Variants in SLC30A10 observed in about 807,000 individuals in gnomAD.
The protein encoded by SLC30A10 is calcium/manganese antiporter SLC30A10.
SLC30A10 carries 8 observed loss-of-function variants against 21.7 expected under a neutral mutation model. The ratio of observed to expected loss-of-function variants is 0.37; its 90% confidence interval spans 0.22 to 0.67. The LOEUF (loss-of-function observed/expected upper bound fraction) is 0.67. SLC30A10 is among the 30% of genes least tolerant of loss of function. The probability of loss-of-function intolerance (pLI) is 0.58; values close to 1 mark genes in which losing one functional copy is unlikely to be tolerated. For missense variants in SLC30A10, 521 were observed against 642.5 expected (o/e 0.81, Z 2.04); for synonymous variants, 272 against 279.4 (o/e 0.97, Z 0.26).
intron 1 of SLC30A10, among the ~76,000 whole-genome samples, chr1:219,945,777 A>T (rs1357769058): frequency 6.6e-6 from 1 of 152,246 alleles, no homozygotes; most frequent in African/African-American, 2.4e-5. Flanking sequence ...TGGAAATATG[A>T]TTACAAAACT....
chr1:219,953,568 A>G (rs1660302590), intron 1 of SLC30A10, among the ~76,000 whole-genome samples: 1 of 151,754 alleles, frequency 6.6e-6, no homozygotes, highest in Admixed American at 6.6e-5. Flanking sequence ...GTGCCACTGC[A>G]CTCCAGACTG....
In SLC30A10 at chr1:219,925,452, T is replaced by A. The variant is rs1465369864; in HGVS notation, c.718+1576A>T. 6.0e-5 allele frequency among the ~76,000 whole-genome samples: 9 copies of A among 150,778 alleles called. No homozygotes were observed. In the East Asian group the frequency reaches 1.8e-3, roughly 30 times the overall value. On this transcript the variant is annotated intron_variant, in intron 2 of 3. Transcript: ENST00000366926. ...GGGAGGCTGAGGCACAAGGATCACT[T>A]GAACCTGGTAGGCAGAGGTTGCAGT...
In SLC30A10 at chr1:219,912,813, G is replaced by A. The variant is rs1008360966; in HGVS notation, c.*2636C>T. 2.6e-5 allele frequency among the ~76,000 whole-genome samples: 4 copies of A among 151,668 alleles called. No homozygotes were observed. The highest frequency in any genetic ancestry group is 2.9e-5 in the Non-Finnish European group (2 of 67,980). The stretch of plus-strand genomic sequence containing the variant: ...AGCACCACTGCACTCCAGCCTGGGC[G>A]ACAGAGCAAGACTCCGTCTCAAAGA... On this transcript the variant is annotated 3_prime_UTR_variant, in exon 4 of 4. Coordinates refer to ENST00000366926, the MANE Select transcript of SLC30A10 (RefSeq NM_018713.3).
chr1:219,941,602 T>A (rs1393073032), intron 1 of SLC30A10, among the ~76,000 whole-genome samples: 1 of 127,606 alleles, frequency 7.8e-6, no homozygotes, highest in Non-Finnish European at 1.6e-5. Context: ...CCTCTCTTCT[T>A]CCCTTCCTTC....
rs1659419192 is a variant in SLC30A10, at chr1:219,911,687, T to G, written c.*3762A>C. The stretch of plus-strand genomic sequence containing the variant: ...GCAATTTTTATGAATAGGCTGGTCT[T>G]GCCTTTAAAAATATGTTTTTAAAGA... On this transcript the variant is annotated 3_prime_UTR_variant, in exon 4 of 4. Transcript: ENST00000366926. 6.6e-6 allele frequency among the ~76,000 whole-genome samples: 1 copy of G among 152,220 alleles called. No homozygotes were observed. The highest frequency in any genetic ancestry group is 6.5e-5 in the Admixed American group (1 of 15,276).
At chr1:219,926,227 T>G (rs57276025) in intron 2 of SLC30A10, among the ~76,000 whole-genome samples, 20,013 of 152,194 alleles carry the variant, frequency 0.13, 1,734 homozygotes, top group African/African-American at 0.24. Context: ...ATCTCCTGAA[T>G]TATTAATTTT....
rs1050601722 is a variant in SLC30A10, at chr1:219,927,922, C to A, written c.519G>T (p.Ala173=). Residue 173 remains alanine (A), a synonymous_variant, in exon 1 of 4, where the codon GCG becomes GCT. Transcript: ENST00000366926. ...GGTCCGCCGCGCGCCGCGGGTCCTC[C>A]GCGCCCTGAGGCCCCCCGAAAGCGC... ...VPGAFGGPQG[A]EDPRRAADPT... 33 of 1,538,168 alleles carry A rather than the reference C, an allele frequency of 2.1e-5. No individual in the cohort carries two copies. Among genetic ancestry groups the A allele is most frequent in the Non-Finnish European group, 2.7e-5 (31 of 1,142,216 alleles).
intron 1 of SLC30A10, among the ~76,000 whole-genome samples, chr1:219,947,735 C>A (rs1660209491): frequency 6.6e-6 from 1 of 152,098 alleles, no homozygotes. Context: ...GAGGCCAAGG[C>A]AGGAGAATCA....
intron 1 of SLC30A10, among the ~76,000 whole-genome samples, chr1:219,946,994 C>T (rs1660193924): frequency 6.6e-6 from 1 of 152,102 alleles, no homozygotes; most frequent in African/African-American, 2.4e-5. Flanking sequence ...TAGTTCTCCT[C>T]TTTCCTCTCC....
intron 1 of SLC30A10, among the ~76,000 whole-genome samples, chr1:219,957,818 A>G (rs563028274): frequency 6.8e-5 from 3 of 44,332 alleles, no homozygotes; most frequent in African/African-American, 2.2e-4. Context: ...TTCCATCTTA[A>G]AAAAAAAGCA....
intron 2 of SLC30A10, among the ~76,000 whole-genome samples, chr1:219,922,500 C>G (rs984353924): frequency 2.6e-5 from 4 of 151,812 alleles, no homozygotes; most frequent in Admixed American, 2.6e-4. Flanking sequence ...ACGGGAGACT[C>G]GTGGGAAACT....
intron 2 of SLC30A10, among the ~76,000 whole-genome samples, chr1:219,925,540 G>GA (rs2102532331): frequency 7.2e-6 from 1 of 139,548 alleles, no homozygotes; most frequent in Non-Finnish European, 1.5e-5. Context: ...TCTCAAAGAA[G>GA]AAAAAAAATG....
intron 3 of SLC30A10, among the ~76,000 whole-genome samples, chr1:219,917,992 C>T (rs565964422): frequency 7.9e-5 from 12 of 152,184 alleles, no homozygotes; most frequent in Admixed American, 5.2e-4. Context: ...GGATTACAGG[C>T]GTGAGCCACC....
intron 1 of SLC30A10, among the ~76,000 whole-genome samples, chr1:219,947,830 G>A (rs769480514): frequency 8.6e-5 from 13 of 151,990 alleles, no homozygotes; most frequent in South Asian, 6.2e-4. Context: ...GAGAAACTCC[G>A]TCTCAAAAAT....
chr1:219,942,641 T>C lies in SLC30A10; in HGVS notation n.81-15536A>G, dbSNP rs11118464. Among the ~76,000 whole-genome samples the C allele has an allele frequency of 7.3e-3, 1,116 of 152,356 alleles. 15 individuals carry two copies. Among genetic ancestry groups the C allele is most frequent in the African/African-American group, 0.025 (1,055 of 41,584 alleles). ...AAGTATTTACAAGTTGGTAATGCCC[T>C]CAGGCACCTGACAGAAGCAAATGCA... On this transcript the variant is annotated intron_variant and non_coding_transcript_variant, in intron 1 of 8. Transcript: ENST00000484239.
In SLC30A10 at chr1:219,928,017, C is replaced by T. The variant is rs751553505; in HGVS notation, c.424G>A (p.Ala142Thr). Residue 142 changes from alanine (A) to threonine (T), a missense_variant, in exon 1 of 4, where the codon GCG becomes ACG. Ala to Thr is a moderately conservative substitution (Grantham distance 58). Transcript: ENST00000366926. This position sits in a 1 kb window ranked among gnomAD's most constrained non-coding sequence, Gnocchi z 6.3. ...LIFQDCAAWFACCLRGRSRRL... is the reference protein window; with the variant it reads ...LIFQDCAAWFTCCLRGRSRRL... ...CGACTGCGTCCCCGGAGGCAGCACG[C>T]GAACCAGGCGGCGCAGTCCTGGAAG... 11 of 1,571,006 alleles carry T rather than the reference C, an allele frequency of 7.0e-6. No individual in the cohort carries two copies. Among genetic ancestry groups the T allele is most frequent in the East Asian group, 4.8e-5 (2 of 41,518 alleles).
intron 1 of SLC30A10, among the ~76,000 whole-genome samples, chr1:219,944,112 C>T (rs1212650633): frequency 7.0e-6 from 1 of 143,860 alleles, no homozygotes; most frequent in Non-Finnish European, 1.5e-5. Context: ...AAAAAAAAAC[C>T]TTCAATGGGG....
At chr1:219,920,885 G>C (rs1041652352) in intron 2 of SLC30A10, among the ~76,000 whole-genome samples, 1 of 152,160 alleles carries the variant, frequency 6.6e-6, no homozygotes, top group Non-Finnish European at 1.5e-5. Flanking sequence ...GTAAAATGTT[G>C]TAAATGGCAA....
intron 2 of SLC30A10, among the ~76,000 whole-genome samples, chr1:219,923,436 T>C (rs1337748782): frequency 6.6e-6 from 1 of 152,210 alleles, no homozygotes; most frequent in African/African-American, 2.4e-5. Context: ...AGGAAAGCCA[T>C]CAGTGCTGTT....
Sources: allele counts gnomAD v4.1 joint callset (sites outside exome capture counted in the v4.1 genomes callset), GRCh38; gene constraint gnomAD v4.1.1; non-coding constraint Gnocchi (gnomAD v3.1); transcripts MANE v1.5; gene names NCBI Gene and HGNC (gene_info 2026-07-23, HGNC 2026-07-21).